BIRC6: variants seen among roughly 807,000 people sequenced by gnomAD.
The protein encoded by BIRC6 is dual E2 ubiquitin-conjugating enzyme/E3 ubiquitin-protein ligase BIRC6.
BIRC6 carries 98 observed loss-of-function variants against 503.3 expected under a neutral mutation model. The ratio of observed to expected loss-of-function variants is 0.19; its 90% CI spans 0.17 to 0.23. The LOEUF (loss-of-function observed/expected upper bound fraction) is 0.23. Ranked by LOEUF, BIRC6 falls within the 10% of genes least tolerant of loss-of-function variation. The pLI is 1.00. For missense variants in BIRC6, 5,360 were observed against 5,806.0 expected (o/e 0.92, Z 2.50); for synonymous variants, 2,240 against 2,078.7 (o/e 1.08, Z -2.11).
rs1240646875 is a variant in BIRC6, at chr2:32,618,354, A to G, written c.*450A>G. 6.6e-6 allele frequency: 1 copy of G among 152,496 alleles called. No individual in the cohort carries two copies. Among genetic ancestry groups the G allele is most frequent in the Non-Finnish European group, 1.5e-5 (1 of 68,294 alleles). 9.4% of individuals were successfully genotyped at this position (152,496 alleles called of 1,614,324 possible). The stretch of plus-strand genomic sequence containing the variant: ...AGATTTTATGTTTGGCCATATCTTC[A>G]TGCTCACATTTGATTTCTGAAGACC... On this transcript the variant is annotated 3_prime_UTR_variant, in exon 74 of 74. Transcript: ENST00000421745.
At chr2:32,595,179 CTT>C (rs1271814600) in intron 68 of BIRC6, 35 bp downstream of exon 68, 8 of 1,366,320 alleles carry the variant, frequency 5.9e-6, no homozygotes, top group African/African-American at 1.5e-5. Flanking sequence ...TAAGATCTCA[CTT>C]TCCATTTTTT....
At chr2:32,546,161 T>C (rs952244858) in intron 63 of BIRC6, among the ~76,000 whole-genome samples, 2 of 152,178 alleles carry the variant, frequency 1.3e-5, no homozygotes, top group Admixed American at 6.5e-5. Flanking sequence ...TTTTGAACTT[T>C]TAAGAATAAT....
Position 32,407,592 on chromosome 2 carries a change from T to C in BIRC6, c.1477+1035T>C, listed in dbSNP as rs117939731. ...AGATGCTGTGTACTATGGACATATATAACTTAAATCTTTTTAGAAGAGGAA... is the reference window on the plus strand; with the variant it reads ...AGATGCTGTGTACTATGGACATATACAACTTAAATCTTTTTAGAAGAGGAA... On this transcript the variant is annotated intron_variant, in intron 9 of 73. Coordinates refer to ENST00000421745, the MANE Select transcript of BIRC6 (RefSeq NM_016252.4). Among the ~76,000 whole-genome samples, 103 of 152,296 alleles carry C rather than the reference T, an allele frequency of 6.8e-4. 1 individual carries two copies. In the East Asian group the frequency reaches 0.018, roughly 27 times the overall value.
At chr2:32,421,182 C>G (rs1222451418) in intron 10 of BIRC6, among the ~76,000 whole-genome samples, 1 of 150,380 alleles carries the variant, frequency 6.6e-6, no homozygotes, top group Non-Finnish European at 1.5e-5. Flanking sequence ...TCTTGGCTAA[C>G]TGCAACCTCT....
intron 16 of BIRC6, among the ~76,000 whole-genome samples, chr2:32,439,986 C>G (rs1300724371): frequency 6.6e-6 from 1 of 152,214 alleles, no homozygotes; most frequent in Non-Finnish European, 1.5e-5. Flanking sequence ...TCAAGCCATC[C>G]TCCCACCTCA....
intron 1 of BIRC6, among the ~76,000 whole-genome samples, chr2:32,375,767 G>A (rs2036674831): frequency 7.0e-6 from 1 of 142,322 alleles, no homozygotes; most frequent in African/African-American, 2.7e-5. Flanking sequence ...TTGCAATTCA[G>A]CTTTTTATTG....
In BIRC6 at chr2:32,515,397, T is replaced by A; in HGVS notation, c.10976T>A (p.Ile3659Asn). The A allele has an allele frequency of 6.2e-7, 1 of 1,613,376 alleles. No homozygotes were observed. The highest frequency in any genetic ancestry group is 8.5e-7 in the Non-Finnish European group (1 of 1,179,876). ...SSESIAQSID[I>N]SQDKLRRHHV... ...GAAAGCATTGCCCAGTCAATAGATATTTCCCAGGACAAACTCAGGCGCCAT... is the reference window on the plus strand; with the variant it reads ...GAAAGCATTGCCCAGTCAATAGATAATTCCCAGGACAAACTCAGGCGCCAT... Residue 3659 changes from isoleucine to asparagine, a missense_variant, in exon 55 of 74, where the codon ATT becomes AAT. Physicochemically the swap from Ile to Asn is moderately radical, Grantham distance 149. Coordinates refer to ENST00000421745, the MANE Select transcript of BIRC6 (RefSeq NM_016252.4).
At chr2:32,548,100 T>C (rs781075296) in intron 64 of BIRC6, 86 bp downstream of exon 64, 9 of 1,236,408 alleles carry the variant, frequency 7.3e-6, no homozygotes, top group Middle Eastern at 2.9e-4. Flanking sequence ...AATCCAACTT[T>C]CCTCAGCTAT....
intron 51 of BIRC6, among the ~76,000 whole-genome samples, chr2:32,509,510 C>A (rs2054174525): frequency 6.6e-6 from 1 of 152,146 alleles, no homozygotes; most frequent in Non-Finnish European, 1.5e-5. Context: ...GCCTCGGCCT[C>A]CCAAAGTGCT....
At chr2:32,596,488 AAT>A (rs1222420988) in intron 68 of BIRC6, among the ~76,000 whole-genome samples, 12 of 150,596 alleles carry the variant, frequency 8.0e-5, no homozygotes, top group South Asian at 6.3e-4. Flanking sequence ...AAAAAAAAAA[AAT>A]CATGACCTTT....
intron 73 of BIRC6, among the ~76,000 whole-genome samples, chr2:32,613,858 T>C (rs1174584384): frequency 2.6e-5 from 4 of 152,234 alleles, no homozygotes; most frequent in African/African-American, 7.2e-5. Flanking sequence ...ATTGTTTACC[T>C]GAAGGCTTAC....
At chr2:32,566,768 G>GT (rs1211965668) in intron 65 of BIRC6, among the ~76,000 whole-genome samples, 11 of 152,104 alleles carry the variant, frequency 7.2e-5, no homozygotes, top group Admixed American at 2.6e-4. Context: ...TTCATCATAA[G>GT]TTTTTTTGTG....
At chr2:32,556,235 T>TA in intron 65 of BIRC6, among the ~76,000 whole-genome samples, 1 of 152,330 alleles carries the variant, frequency 6.6e-6, no homozygotes, top group African/African-American at 2.4e-5. Flanking sequence ...CTGTGTTAAA[T>TA]AATTATGACT....
rs1405005224 is a variant in BIRC6, at chr2:32,476,355, T to G, written c.6852+11T>G. ...CAGGCCACTTCAAAGGTATGATCTA[T>G]ACTTTTCAATATAGTTATCTCAGAA... On this transcript the variant is annotated intron_variant, in intron 34 of 73. Coordinates refer to ENST00000421745, the MANE Select transcript of BIRC6 (RefSeq NM_016252.4). 6.4e-7 allele frequency: 1 copy of G among 1,559,280 alleles called. No individual in the cohort carries two copies. Among genetic ancestry groups the G allele is most frequent in the Admixed American group, 2.0e-5 (1 of 50,446 alleles).
chr2:32,375,609 C>G (rs959353056), intron 1 of BIRC6, among the ~76,000 whole-genome samples: 2 of 152,134 alleles, frequency 1.3e-5, no homozygotes, highest in Admixed American at 6.5e-5. Flanking sequence ...TTGCTTGATA[C>G]GTACCATAGA....
At chr2:32,423,872 A>G (rs561354139) in intron 10 of BIRC6, among the ~76,000 whole-genome samples, 17 of 152,310 alleles carry the variant, frequency 1.1e-4, no homozygotes, top group Admixed American at 4.6e-4. Flanking sequence ...TCCATGCTGT[A>G]TACACTACCT....
At chr2:32,483,533 G>A (rs2050653116) in intron 39 of BIRC6, among the ~76,000 whole-genome samples, 1 of 152,124 alleles carries the variant, frequency 6.6e-6, no homozygotes, top group South Asian at 2.1e-4. Context: ...GTCAAATACT[G>A]AGAGCCCATT....
chr2:32,553,705 A>G (rs1187045851), intron 65 of BIRC6, among the ~76,000 whole-genome samples: 1 of 152,100 alleles, frequency 6.6e-6, no homozygotes, highest in Non-Finnish European at 1.5e-5. Context: ...AAATGAATGG[A>G]GACTTTAAAA....
At chr2:32,484,035 T>TC (rs763046377) in intron 39 of BIRC6, among the ~76,000 whole-genome samples, 24 of 152,256 alleles carry the variant, frequency 1.6e-4, no homozygotes, top group Non-Finnish European at 2.6e-4. Context: ...GATTTTCAGT[T>TC]CCCTGCAGTC....
Sources: allele counts gnomAD v4.1 joint callset (sites outside exome capture counted in the v4.1 genomes callset), GRCh38; gene constraint gnomAD v4.1.1; transcripts MANE v1.5; gene names NCBI Gene and HGNC (gene_info 2026-07-23, HGNC 2026-07-21).